BOP1: variants seen among roughly 807,000 people sequenced by gnomAD.
The protein encoded by BOP1 is BOP1 ribosomal biogenesis factor.
A neutral mutation model predicts 82.9 loss-of-function variants in BOP1; 54 were observed. The observed-to-expected ratio is 0.65, with a 90% CI of 0.52 to 0.82. The LOEUF is 0.82. Among genes scored for constraint, BOP1 ranks in the 40% least tolerant of loss-of-function variants. BOP1 has a pLI of 0.00. For missense variants in BOP1, 1,170 were observed against 1,072.0 expected, an observed-to-expected ratio of 1.09 and a Z score of -1.28; for synonymous variants, 566 against 451.1, an observed-to-expected ratio of 1.25 and a Z score of -3.23.
intron 3 of BOP1, chr8:144,266,513 A>AC (rs1224231190): frequency 2.0e-6 from 2 of 987,868 alleles, no homozygotes; most frequent in African/African-American, 1.8e-5. Flanking sequence ...CGCAGCCGAG[A>AC]CCCCGCGCCT....
chr8:144,273,408 TGGGGG>T (rs1845524035), intron 3 of BOP1, among the ~76,000 whole-genome samples: 1 of 149,646 alleles, frequency 6.7e-6, no homozygotes, highest in South Asian at 2.1e-4. Flanking sequence ...GGAGGCCTCG[TGGGGG>T]ACGGCCCCAG....
At chr8:144,265,378 A>G in intron 3 of BOP1, 1 of 533,074 alleles carries the variant, frequency 1.9e-6, no homozygotes, top group Non-Finnish European at 3.4e-6. Flanking sequence ...GGGCAGCCAC[A>G]GACAGGGATG....
intron 2 of BOP1, among the ~76,000 whole-genome samples, chr8:144,286,796 G>A (rs374724497): frequency 1.2e-4 from 19 of 152,184 alleles, no homozygotes; most frequent in Admixed American, 5.2e-4. Flanking sequence ...CACAGACAGC[G>A]GTACTTTGGA....
chr8:144,280,460 C>G lies in BOP1; in HGVS notation c.310-4156G>C, dbSNP rs895739958. On this transcript the variant is annotated intron_variant, in intron 2 of 15. Transcript: ENST00000569669. Reference sequence around the variant, plus strand: ...GGGTTCCCACGCTGCAGCAACGCGGCCTGCCACCTGCCATTCCCAGAGCCT... The same window carrying G: ...GGGTTCCCACGCTGCAGCAACGCGGGCTGCCACCTGCCATTCCCAGAGCCT... 1.1e-3 allele frequency among the ~76,000 whole-genome samples: 168 copies of G among 152,396 alleles called. 1 individual carries two copies. The highest frequency in any genetic ancestry group is 3.7e-3 in the African/African-American group (154 of 41,604).
chr8:144,270,841 G>A (rs906807832), intron 3 of BOP1, among the ~76,000 whole-genome samples: 12 of 152,242 alleles, frequency 7.9e-5, no homozygotes, highest in Admixed American at 5.9e-4. Flanking sequence ...AGCTGGGACG[G>A]AAGGGGCCCC....
At chr8:144,263,651 A>G (rs1845288942) in intron 10 of BOP1, 41 bp from the exon 11 acceptor site, 1 of 1,603,192 alleles carries the variant, frequency 6.2e-7, no homozygotes, top group Non-Finnish European at 8.5e-7. Flanking sequence ...TGGCCATCCC[A>G]CCTGCCCCCC....
rs1356755840 is a variant in BOP1 at position 144,276,132 on chromosome 8, C to A, written c.390+92G>T. On this transcript the variant is annotated intron_variant, in intron 3 of 15. Transcript: ENST00000569669. ...CCCACCTGCGGCAGGTCCCAGCACC[C>A]CCAGGGCAACCCCAGCCCCAACCCC... The A allele has an allele frequency of 2.9e-5, 43 of 1,491,500 alleles. No individual in the cohort carries two copies. In the Admixed American group the frequency reaches 7.0e-4, roughly 24 times the overall value. 92.4% of individuals were successfully genotyped at this position (1,491,500 alleles called of 1,614,324 possible). A position where few individuals can be genotyped will look rare whatever the true frequency, so the allele number is the denominator to read the frequency against.
chr8:144,264,251 G>A lies in BOP1; in HGVS notation c.952C>T (p.Pro318Ser). The change falls in exon 7 of 16, where the codon CCT becomes TCT. Residue 318 changes from proline (P) to serine (S), a missense_variant. By Grantham distance (74) the Pro-to-Ser change is moderately conservative. Coordinates refer to ENST00000569669, the MANE Select transcript of BOP1 (RefSeq NM_015201.5). ...TCCTCCTCGCTGAGCAGGTATTCAG[G>A]GGGTGGGTTGTACGACTCGGCGTGG... The part of the protein sequence containing the change: ...PGHAESYNPP[P>S]EYLLSEEERL... 1 of 1,610,494 alleles carries A rather than the reference G, an allele frequency of 6.2e-7. No homozygotes were observed. Among genetic ancestry groups the A allele is most frequent in the Admixed American group, 1.7e-5 (1 of 59,774 alleles).
rs1196961455 is a variant in BOP1, at chr8:144,266,304, G to GC, written c.391-1234dup. On this transcript the variant is annotated intron_variant, in intron 3 of 15. Transcript: ENST00000569669. ...AACGATGCCCCCAAAGACCAGCCCC[G>GC]CCCCCCCCACCCCCGCCAAAGCGTG... Among the ~76,000 whole-genome samples, 311 of 138,670 alleles carry GC rather than the reference G, an allele frequency of 2.2e-3. 3 individuals carry two copies. The East Asian group carries it at 0.041, about 18-fold the overall frequency. The allele number at this position is 138,670 out of a possible 152,430, so 91.0% of individuals were successfully genotyped here.
chr8:144,270,107 A>AAGAT (rs1233004151), intron 3 of BOP1, among the ~76,000 whole-genome samples: 15 of 152,140 alleles, frequency 9.9e-5, no homozygotes, highest in Non-Finnish European at 1.5e-4. Flanking sequence ...AATGGGATGG[A>AAGAT]AGATAGTGAA....
At chr8:144,271,491 G>C (rs1364442770) in intron 3 of BOP1, among the ~76,000 whole-genome samples, 1 of 151,810 alleles carries the variant, frequency 6.6e-6, no homozygotes, top group Non-Finnish European at 1.5e-5. Context: ...TTCAGCGTTC[G>C]CGCCGCTCCC....
At chr8:144,264,485 A>G in intron 6 of BOP1, 30 bp downstream of exon 6, 1 of 1,608,664 alleles carries the variant, frequency 6.2e-7, no homozygotes. Context: ...CGGTCAGCCC[A>G]GGCCAAGCCC....
chr8:144,262,418 C>T lies in BOP1; in HGVS notation c.2065G>A (p.Val689Ile), dbSNP rs1184269097. ...CACTTGTACACCATGCCATGGCAGA[C>T]GATGACACTGCCGTCGTCCGAGCCT... Reference protein sequence around the residue: ...ASGSDDGSVIVCHGMVYNDLL... With the variant: ...ASGSDDGSVIICHGMVYNDLL... Residue 689 changes from valine (V) to isoleucine (I), a missense_variant, in exon 15 of 16, where the codon GTC (valine) becomes ATC (isoleucine). Transcript: ENST00000569669. 2.1e-5 allele frequency: 34 copies of T among 1,612,622 alleles called. No individual in the cohort carries two copies. Among genetic ancestry groups the T allele is most frequent in the East Asian group, 4.5e-5 (2 of 44,884 alleles).
chr8:144,267,944 T>C (rs1845417074), intron 3 of BOP1, among the ~76,000 whole-genome samples: 1 of 152,148 alleles, frequency 6.6e-6, no homozygotes, highest in Non-Finnish European at 1.5e-5. Context: ...TGTGCAGCAG[T>C]ATGCTCCCCT....
At chr8:144,273,820 C>A (rs1167949988) in intron 3 of BOP1, among the ~76,000 whole-genome samples, 1 of 150,840 alleles carries the variant, frequency 6.6e-6, no homozygotes, top group African/African-American at 2.5e-5. Context: ...GCGGCAGGAC[C>A]CCAGCCAGGC....
chr8:144,269,292 G>C (rs1023652638), intron 3 of BOP1, among the ~76,000 whole-genome samples: 1 of 152,240 alleles, frequency 6.6e-6, no homozygotes, highest in Non-Finnish European at 1.5e-5. Flanking sequence ...ACCCTGCCAG[G>C]CCACAGCCTA....
chr8:144,266,966 G>A (rs1313368216), intron 3 of BOP1: 3 of 1,556,108 alleles, frequency 1.9e-6, no homozygotes, highest in East Asian at 2.5e-5. Context: ...GAGACGCTGC[G>A]CCTGGCCTCC....
At chr8:144,279,665 CAG>C (rs1394562070) in intron 2 of BOP1, among the ~76,000 whole-genome samples, 1 of 152,142 alleles carries the variant, frequency 6.6e-6, no homozygotes, top group Non-Finnish European at 1.5e-5. Context: ...CATCAAGAGA[CAG>C]AGTCTATGTC....
chr8:144,289,005 G>T, intron 2 of BOP1, 90 bp downstream of exon 2: 2 of 1,413,036 alleles, frequency 1.4e-6, no homozygotes, highest in Non-Finnish European at 9.9e-7. Flanking sequence ...CTGAGGGACG[G>T]TGGAGAAGGC....
Sources: allele counts gnomAD v4.1 joint callset (sites outside exome capture counted in the v4.1 genomes callset), GRCh38; gene constraint gnomAD v4.1.1; transcripts MANE v1.5; gene names NCBI Gene and HGNC (gene_info 2026-07-23, HGNC 2026-07-21).